Variants in PALM2AKAP2 observed in about 807,000 individuals in gnomAD.
PALM2AKAP2 encodes the protein PALM2-AKAP2 fusion protein.
Under a neutral mutation model 71.5 loss-of-function variants are expected in PALM2AKAP2, and 37 were observed. The observed-to-expected ratio is 0.52, with a 90% CI of 0.40 to 0.68. The LOEUF is 0.68. PALM2AKAP2 is among the 30% of genes least tolerant of loss of function. PALM2AKAP2 has a pLI of 0.00. For missense variants in PALM2AKAP2, 1,224 were observed against 1,191.8 expected (o/e 1.03, Z -0.40); for synonymous variants, 468 against 478.8 (o/e 0.98, Z 0.29).
intron 6 of PALM2AKAP2, among the ~76,000 whole-genome samples, chr9:109,971,074 C>G (rs995845871): frequency 6.6e-6 from 1 of 152,128 alleles, no homozygotes; most frequent in Non-Finnish European, 1.5e-5. Flanking sequence ...GCCTGGGCAA[C>G]AGAGCAAGAC....
intron 1 of PALM2AKAP2, among the ~76,000 whole-genome samples, chr9:110,096,132 A>G (rs1834829955): frequency 6.6e-6 from 1 of 152,246 alleles, no homozygotes; most frequent in African/African-American, 2.4e-5. Flanking sequence ...AGGAAACTGC[A>G]TGATTAATGT....
chr9:109,977,522 G>T (rs911046863), intron 6 of PALM2AKAP2, among the ~76,000 whole-genome samples: 4 of 152,180 alleles, frequency 2.6e-5, no homozygotes, highest in Non-Finnish European at 5.9e-5. Flanking sequence ...AATGTGAGAA[G>T]GATCATGTGT....
At chr9:109,763,113 C>G (rs750988557) in intron 1 of PALM2AKAP2, among the ~76,000 whole-genome samples, 1 of 152,126 alleles carries the variant, frequency 6.6e-6, no homozygotes, top group African/African-American at 2.4e-5. Flanking sequence ...CCTTGAGAAG[C>G]AGGTCCCAAA....
At chr9:109,679,036 T>C (rs982673740) in intron 1 of PALM2AKAP2, among the ~76,000 whole-genome samples, 2 of 152,170 alleles carry the variant, frequency 1.3e-5, no homozygotes, top group Non-Finnish European at 2.9e-5. Context: ...TTTAGAAATC[T>C]TCATGCACCA....
In PALM2AKAP2 at chr9:109,902,833, A is replaced by G. The variant is rs118133856; in HGVS notation, c.258-20902A>G. Among the ~76,000 whole-genome samples the G allele has an allele frequency of 9.1e-4, 138 of 152,310 alleles. No homozygotes were observed. The East Asian group carries it at 0.023, about 25-fold the overall frequency. On this transcript the variant is annotated intron_variant, in intron 3 of 9. Coordinates refer to the PALM2AKAP2 transcript ENST00000302798. ...GGAATTCCCTGTCCATGTGGAACAC[A>G]TCTATGCCCTTCTGGTCCAAGTGAG... is the stretch of plus-strand genomic sequence containing the variant.
chr9:110,034,856 G>A (rs975762253), intron 7 of PALM2AKAP2, among the ~76,000 whole-genome samples: 10 of 151,496 alleles, frequency 6.6e-5, no homozygotes, highest in South Asian at 2.1e-4. Flanking sequence ...GCCCTCCTCC[G>A]CCTCCCAAAG....
At chr9:109,922,209 C>T (rs989578560) in intron 3 of PALM2AKAP2, among the ~76,000 whole-genome samples, 2 of 151,532 alleles carry the variant, frequency 1.3e-5, no homozygotes, top group African/African-American at 2.4e-5. Flanking sequence ...TGCTTAAGCC[C>T]AGGAGTTCAA....
intron 1 of PALM2AKAP2, among the ~76,000 whole-genome samples, chr9:110,069,798 G>A (rs566146915): frequency 4.6e-5 from 7 of 152,352 alleles, no homozygotes; most frequent in East Asian, 3.9e-4. Flanking sequence ...GTGAGTCCCC[G>A]TGGTCAGTCA....
chr9:109,977,914 A>G (rs867161182), intron 6 of PALM2AKAP2, among the ~76,000 whole-genome samples: 1 of 152,144 alleles, frequency 6.6e-6, no homozygotes, highest in Non-Finnish European at 1.5e-5. Flanking sequence ...TTGGTGGCCT[A>G]GCTTAGATAG....
chr9:109,754,116 A>G (rs1269848521), intron 1 of PALM2AKAP2, among the ~76,000 whole-genome samples: 1 of 152,132 alleles, frequency 6.6e-6, no homozygotes, highest in Non-Finnish European at 1.5e-5. Context: ...ATTAGATTTT[A>G]TTGGAGTGCC....
chr9:109,799,379 G>A (rs1827355343), intron 1 of PALM2AKAP2, among the ~76,000 whole-genome samples: 1 of 152,230 alleles, frequency 6.6e-6, no homozygotes, highest in South Asian at 2.1e-4. Flanking sequence ...AGTGGAGGCA[G>A]GATGAGGCAG....
intron 6 of PALM2AKAP2, among the ~76,000 whole-genome samples, chr9:110,008,131 G>T (rs1832817701): frequency 6.6e-6 from 1 of 152,178 alleles, no homozygotes; most frequent in Non-Finnish European, 1.5e-5. Flanking sequence ...TGGCTCTGGG[G>T]GAATAAAGTG....
intron 1 of PALM2AKAP2, chr9:109,760,342 C>T (rs1829031858): frequency 6.6e-6 from 1 of 152,130 alleles, no homozygotes; most frequent in Admixed American, 6.6e-5. Flanking sequence ...TTGAGAAAAA[C>T]ACAGAAGGAA....
chr9:110,014,666 G>A, intron 6 of PALM2AKAP2, among the ~76,000 whole-genome samples: 1 of 149,910 alleles, frequency 6.7e-6, no homozygotes, highest in African/African-American at 2.5e-5. Flanking sequence ...TGAGCTACTT[G>A]GGAGGCTGAG....
chr9:109,641,429 A>G (rs1424462806), intron 1 of PALM2AKAP2, among the ~76,000 whole-genome samples: 2 of 152,210 alleles, frequency 1.3e-5, no homozygotes, highest in Non-Finnish European at 2.9e-5. Context: ...TAAGACAAAC[A>G]TATTGGCGGC....
Position 109,667,935 on chromosome 9 carries a change from T to G in PALM2AKAP2, c.5+27069T>G, listed in dbSNP as rs1440251244. ...TTGAAAATGATGGCTTTGGTTTTTT[T>G]TTTTTTTTTTTTTTTTTTTGAGACG... On this transcript the variant is annotated intron_variant, in intron 1 of 6. Transcript: ENST00000374531. 3.1e-4 allele frequency among the ~76,000 whole-genome samples: 5 copies of G among 16,040 alleles called. 2 individuals carry two copies. Among genetic ancestry groups the G allele is most frequent in the East Asian group, 1.8e-3 (2 of 1,100 alleles). The allele number at this position is 16,040 out of a possible 152,430, so 10.5% of individuals were successfully genotyped here. A position where few individuals can be genotyped will look rare whatever the true frequency, so the allele number is the denominator to read the frequency against.
At chr9:109,869,276 G>T (rs1829539612) in intron 2 of PALM2AKAP2, among the ~76,000 whole-genome samples, 1 of 152,002 alleles carries the variant, frequency 6.6e-6, no homozygotes, top group Non-Finnish European at 1.5e-5. Flanking sequence ...ATTTATTGCT[G>T]ATGTCCAGTG....
At chr9:109,723,307 C>T (rs1282747906) in intron 1 of PALM2AKAP2, among the ~76,000 whole-genome samples, 3 of 152,198 alleles carry the variant, frequency 2.0e-5, no homozygotes, top group Admixed American at 6.5e-5. Context: ...CCCATACCAC[C>T]GCCCAGCACC....
At chr9:109,644,162 A>T (rs1417683994) in intron 1 of PALM2AKAP2, among the ~76,000 whole-genome samples, 2 of 152,162 alleles carry the variant, frequency 1.3e-5, no homozygotes, top group African/African-American at 4.8e-5. Context: ...TGATACCTGG[A>T]GGGGGACATC....
Sources: allele counts gnomAD v4.1 joint callset (sites outside exome capture counted in the v4.1 genomes callset), GRCh38; gene constraint gnomAD v4.1.1; transcripts MANE v1.5; gene names NCBI Gene and HGNC (gene_info 2026-07-23, HGNC 2026-07-21).